NBR1: variants seen among roughly 807,000 people sequenced by gnomAD.
NBR1 encodes NBR1 autophagy cargo receptor.
In NBR1, 59 loss-of-function variants were observed where a neutral mutation model predicts 115.5. That is an observed-to-expected ratio of 0.51 (90% CI 0.41 to 0.63). The LOEUF is 0.63. NBR1 is among the 30% of genes least tolerant of loss of function. The pLI is 0.00. For missense variants in NBR1, 1,043 were observed against 1,150.5 expected (o/e 0.91, Z 1.35); for synonymous variants, 373 against 414.7 (o/e 0.90, Z 1.22).
intron 10 of NBR1, among the ~76,000 whole-genome samples, chr17:43,192,292 G>C (rs975473346): frequency 3.9e-5 from 6 of 152,148 alleles, no homozygotes; most frequent in East Asian, 3.8e-4. Context: ...AAAATGGTGA[G>C]ATAACAGGTG....
chr17:43,187,886 C>CT (rs66857389), intron 6 of NBR1, among the ~76,000 whole-genome samples: 644 of 58,660 alleles, frequency 0.011, 9 homozygotes, highest in African/African-American at 0.019. Context: ...TTGCATTTCT[C>CT]TTTTTTTTTT....
rs763669180 is a variant in NBR1 at position 43,181,676 on chromosome 17, AC to A, written c.207+860del. On this transcript the variant is annotated intron_variant, in intron 5 of 20. Transcript: ENST00000590996. ...GAGACTCTGTCTCAAAACAAAAAAA[AC>A]AAACAAACCAAAAAACAAATATCTT... 4.8e-3 allele frequency among the ~76,000 whole-genome samples: 679 copies of A among 141,552 alleles called. 3 individuals are homozygous for A. Among genetic ancestry groups the A allele is most frequent in the Non-Finnish European group, 8.9e-3 (560 of 62,970 alleles). 92.9% of individuals were successfully genotyped at this position (141,552 alleles called of 152,430 possible).
At chr17:43,182,784 G>A (rs1204986739) in intron 5 of NBR1, among the ~76,000 whole-genome samples, 6 of 149,298 alleles carry the variant, frequency 4.0e-5, no homozygotes, top group Non-Finnish European at 8.9e-5. Flanking sequence ...TTTTTTTTGC[G>A]ACGGAGTCTC....
chr17:43,199,833 A>T (rs1295859439), intron 16 of NBR1, among the ~76,000 whole-genome samples: 1 of 152,204 alleles, frequency 6.6e-6, no homozygotes, highest in African/African-American at 2.4e-5. Flanking sequence ...CTGTTAGTGT[A>T]TCAGTTTTGG....
intron 17 of NBR1, among the ~76,000 whole-genome samples, chr17:43,201,387 T>C (rs1475126111): frequency 1.3e-5 from 2 of 152,236 alleles, no homozygotes; most frequent in Non-Finnish European, 2.9e-5. Context: ...TGCTGGAGCC[T>C]TGACTATAAT....
chr17:43,202,166 C>T lies in NBR1; in HGVS notation c.2563+386C>T, dbSNP rs563557856. Among the ~76,000 whole-genome samples, 211 of 124,472 alleles carry T rather than the reference C, an allele frequency of 1.7e-3. 1 individual carries two copies. The highest frequency in any genetic ancestry group is 5.7e-3 in the African/African-American group (200 of 35,160). 81.7% of individuals were successfully genotyped at this position (124,472 alleles called of 152,430 possible). ...TTGCTCTCCAGCCCGGGCAACAGTG[C>T]GAGACTCCGTCTGAAAAAAAAAAAA... On this transcript the variant is annotated intron_variant, in intron 18 of 20. Transcript: ENST00000590996.
At position 43,190,730 on chromosome 17, in the gene NBR1, T is replaced by C. The variant is rs748800026; in HGVS notation, c.817T>C (p.Ser273Pro). The C allele has an allele frequency of 8.1e-6, 13 of 1,613,460 alleles. No individual in the cohort carries two copies. The highest frequency in any genetic ancestry group is 2.2e-5 in the East Asian group (1 of 44,900). Reference protein sequence around the residue: ...VVGSSEPFCHSKYSTPRLPAA... With the variant: ...VVGSSEPFCHPKYSTPRLPAA... ...GGGCTCCTCTGAACCGTTCTGTCAC[T>C]CAAAGTACTCTACTCCTCGTCTTCC... The change falls in exon 9 of 21, where the codon TCA becomes CCA. Residue 273 changes from serine to proline, a missense_variant. Physicochemically the swap from Ser to Pro is moderately conservative, Grantham distance 74. Transcript: ENST00000590996.
At chr17:43,178,105 G>C (rs890876694) in intron 3 of NBR1, 107 bp downstream of exon 3, 4 of 1,345,796 alleles carry the variant, frequency 3.0e-6, no homozygotes, top group Non-Finnish European at 4.1e-6. Context: ...TATTTGTGTG[G>C]TGGTTTAAAT....
chr17:43,171,175 A>T (rs558089639), upstream of NBR1: 1 of 152,808 alleles, frequency 6.5e-6, no homozygotes, highest in East Asian at 1.9e-4. Context: ...GAACACTCGG[A>T]GAAACAGGGG....
At chr17:43,176,872 C>G (rs1192531271) in intron 2 of NBR1, among the ~76,000 whole-genome samples, 1 of 152,238 alleles carries the variant, frequency 6.6e-6, no homozygotes, top group East Asian at 1.9e-4. Flanking sequence ...CATTCTCCCC[C>G]CCCTCATCTG....
In NBR1 at chr17:43,195,534, C is replaced by T. The variant is rs139760438; in HGVS notation, c.1750+495C>T. On this transcript the variant is annotated intron_variant, in intron 14 of 20. Transcript: ENST00000590996. The stretch of plus-strand genomic sequence containing the variant: ...GGCATGGTGGCACATGCCTGTAATC[C>T]GAACTACTCGGGAGGCTGAGGCGGG... 5.7e-3 allele frequency: 981 copies of T among 170,834 alleles called. 5 individuals carry two copies. The highest frequency in any genetic ancestry group is 7.5e-3 in the Non-Finnish European group (608 of 80,930). The allele number at this position is 170,834 out of a possible 1,614,324, so 10.6% of individuals were successfully genotyped here.
intron 20 of NBR1, 180 bp from the exon 21 acceptor site, chr17:43,209,721 C>T (rs998453262): frequency 3.3e-6 from 5 of 1,528,596 alleles, no homozygotes; most frequent in African/African-American, 1.4e-5. Flanking sequence ...TAGGGCCTTC[C>T]CAGTCCGAAC....
At chr17:43,198,351 T>A (rs905924975) in intron 16 of NBR1, among the ~76,000 whole-genome samples, 3 of 151,946 alleles carry the variant, frequency 2.0e-5, no homozygotes, top group African/African-American at 7.3e-5. Context: ...TTATCTTACT[T>A]TTGTTTAAAG....
At chr17:43,197,298 T>C (rs1479074438) in intron 16 of NBR1, among the ~76,000 whole-genome samples, 192 bp downstream of exon 16, 1 of 152,112 alleles carries the variant, frequency 6.6e-6, no homozygotes, top group Non-Finnish European at 1.5e-5. Context: ...GGCAGGCGGA[T>C]CACAAGGTCA....
intron 5 of NBR1, among the ~76,000 whole-genome samples, 200 bp downstream of exon 5, chr17:43,181,017 A>T (rs2056650471): frequency 1.3e-5 from 2 of 152,042 alleles, no homozygotes; most frequent in Non-Finnish European, 2.9e-5. Flanking sequence ...AACTACAGAA[A>T]CACGTCACCA....
intron 1 of NBR1, among the ~76,000 whole-genome samples, chr17:43,174,539 A>G (rs932468366): frequency 1.2e-4 from 19 of 152,280 alleles, no homozygotes; most frequent in East Asian, 3.9e-4. Context: ...TGGAGGTTGC[A>G]GTGAGCCAAG....
At chr17:43,206,640 G>A (rs2057323830) in intron 20 of NBR1, among the ~76,000 whole-genome samples, 1 of 151,338 alleles carries the variant, frequency 6.6e-6, no homozygotes, top group African/African-American at 2.4e-5. Context: ...GGGTGACAGA[G>A]CGAGACTCCG....
At chr17:43,208,889 C>T (rs1366220204) in intron 20 of NBR1, among the ~76,000 whole-genome samples, 3 of 152,054 alleles carry the variant, frequency 2.0e-5, no homozygotes, top group Admixed American at 2.0e-4. Flanking sequence ...ATCACTTGAG[C>T]CCAGGAGGTT....
intron 20 of NBR1, among the ~76,000 whole-genome samples, chr17:43,208,896 G>A (rs1472914070): frequency 6.6e-6 from 1 of 152,072 alleles, no homozygotes; most frequent in African/African-American, 2.4e-5. Flanking sequence ...GAGCCCAGGA[G>A]GTTGAGGCTG....
Sources: allele counts gnomAD v4.1 joint callset (sites outside exome capture counted in the v4.1 genomes callset), GRCh38; gene constraint gnomAD v4.1.1; transcripts MANE v1.5; gene names NCBI Gene and HGNC (gene_info 2026-07-23, HGNC 2026-07-21).